Variants in EMILIN2 observed in about 807,000 individuals in gnomAD.
EMILIN2 encodes elastin microfibril interfacer 2, also known as EMILIN-2.
A neutral mutation model predicts 87.1 loss-of-function variants in EMILIN2; 71 were observed. The ratio of observed to expected loss-of-function variants is 0.82; its 90% CI spans 0.67 to 0.99. The LOEUF (loss-of-function observed/expected upper bound fraction) is 0.99. Ranked by LOEUF, EMILIN2 falls within the 50% of genes least tolerant of loss-of-function variation. The pLI is 0.00. For synonymous variants in EMILIN2, 581 were observed against 563.4 expected, an observed-to-expected ratio of 1.03 and a Z score of -0.44; for missense variants, 1,407 against 1,371.8, an observed-to-expected ratio of 1.03 and a Z score of -0.40.
At position 2,847,398 on chromosome 18, in the gene EMILIN2, G is replaced by A; in HGVS notation, c.134+76G>A. The A allele has an allele frequency of 1.6e-6, 2 of 1,235,040 alleles. No homozygotes were observed. Among genetic ancestry groups the A allele is most frequent in the Non-Finnish European group, 2.0e-6 (2 of 981,920 alleles). 76.5% of individuals were successfully genotyped at this position (1,235,040 alleles called of 1,614,324 possible). A position where few individuals can be genotyped will look rare whatever the true frequency, so the allele number is the denominator to read the frequency against. On this transcript the variant is annotated intron_variant, in intron 1 of 7. Transcript: ENST00000254528. The surrounding 1 kb of genome is among the most constrained non-coding windows in gnomAD (Gnocchi z 4.5). Reference sequence around the variant, plus strand: ...CCCAGTTGAGCCCCAGAGCTGCCCTGCCAAAGACGACGAGCGGCAGCCGGG... The same window carrying A: ...CCCAGTTGAGCCCCAGAGCTGCCCTACCAAAGACGACGAGCGGCAGCCGGG...
chr18:2,862,172 T>C (rs1390371946), intron 2 of EMILIN2, among the ~76,000 whole-genome samples: 1 of 152,204 alleles, frequency 6.6e-6, no homozygotes, highest in African/African-American at 2.4e-5. Context: ...AATCATGTCA[T>C]CTGCAAACAG....
In EMILIN2 at chr18:2,899,573, C is replaced by T. The variant is rs556428254; in HGVS notation, c.2359+7087C>T. On this transcript the variant is annotated intron_variant, in intron 4 of 7. Transcript: ENST00000254528. ...AGGCTGGAGTGCAGTGGCACAATCT[C>T]GGCTCACTGCAACCTCTGCCTCCTG... Among the ~76,000 whole-genome samples the T allele has an allele frequency of 1.2e-3, 185 of 151,896 alleles. 1 individual carries two copies. Among genetic ancestry groups the T allele is most frequent in the Non-Finnish European group, 2.1e-3 (141 of 67,954 alleles).
intron 2 of EMILIN2, among the ~76,000 whole-genome samples, chr18:2,861,052 T>C (rs1312332535): frequency 6.6e-6 from 1 of 152,248 alleles, no homozygotes; most frequent in East Asian, 1.9e-4. Flanking sequence ...GAAGGGTCTG[T>C]TCATATCCTT....
intron 4 of EMILIN2, among the ~76,000 whole-genome samples, chr18:2,896,528 C>T (rs1021035920): frequency 2.0e-5 from 3 of 152,180 alleles, no homozygotes. Context: ...GGCTAGAGTA[C>T]AGTGGTGCAA....
At position 2,891,022 on chromosome 18, in the gene EMILIN2, G is replaced by A. The variant is rs369108065; in HGVS notation, c.895G>A (p.Glu299Lys). 212 of 1,614,106 alleles carry A rather than the reference G, an allele frequency of 1.3e-4. No individual in the cohort carries two copies. Among genetic ancestry groups the A allele is most frequent in the Non-Finnish European group, 1.6e-4 (193 of 1,180,060 alleles). Residue 299 changes from glutamate (E) to lysine (K), a missense_variant, in exon 4 of 8, where the codon GAA becomes AAA. Physicochemically the swap from Glu to Lys is moderately conservative, Grantham distance 56. Coordinates refer to ENST00000254528, the MANE Select transcript of EMILIN2 (RefSeq NM_032048.3). The surrounding 1 kb of genome is among the most constrained non-coding windows in gnomAD (Gnocchi z 4.6). Reference protein sequence around the residue: ...GYEGQLRQLQEAAQGPTVTMT... With the variant: ...GYEGQLRQLQKAAQGPTVTMT... ...CGAAGGGCAGCTCAGACAGCTCCAG[G>A]AAGCAGCTCAGGGCCCGACGGTGAC... is the stretch of plus-strand genomic sequence containing the variant.
intron 4 of EMILIN2, among the ~76,000 whole-genome samples, chr18:2,897,895 T>G (rs1233662824): frequency 6.6e-6 from 1 of 151,720 alleles, no homozygotes; most frequent in Non-Finnish European, 1.5e-5. Flanking sequence ...GAGATCTCCC[T>G]TTTCAGCATT....
At chr18:2,910,138 C>G (rs1359809644) in intron 7 of EMILIN2, among the ~76,000 whole-genome samples, 6 of 151,808 alleles carry the variant, frequency 4.0e-5, no homozygotes, top group Non-Finnish European at 5.9e-5. Flanking sequence ...GCCGGCACAG[C>G]CCGCCATGCC....
At chr18:2,908,750 C>G (rs2076926709) in intron 5 of EMILIN2, among the ~76,000 whole-genome samples, 193 bp from the exon 6 acceptor site, 1 of 152,166 alleles carries the variant, frequency 6.6e-6, no homozygotes, top group Non-Finnish European at 1.5e-5. Flanking sequence ...AGTGAGGAAG[C>G]AGGGACGGGC....
chr18:2,905,661 C>T (rs1430284147), intron 4 of EMILIN2, among the ~76,000 whole-genome samples: 16 of 151,932 alleles, frequency 1.1e-4, no homozygotes, highest in African/African-American at 3.6e-4. Context: ...TGGAGTGCAG[C>T]GGGCGATCTC....
chr18:2,861,261 G>C (rs1468561879), intron 2 of EMILIN2, among the ~76,000 whole-genome samples: 1 of 152,090 alleles, frequency 6.6e-6, no homozygotes, highest in East Asian at 1.9e-4. Context: ...GTCAATTTTG[G>C]CTTTTGTTGC....
chr18:2,900,363 AT>A (rs930846022), intron 4 of EMILIN2, among the ~76,000 whole-genome samples: 1 of 152,062 alleles, frequency 6.6e-6, no homozygotes, highest in Non-Finnish European at 1.5e-5. Context: ...ACTTTTTAAA[AT>A]TTTTTGTCGA....
chr18:2,909,639 CT>C, intron 6 of EMILIN2, 51 bp from the exon 7 acceptor site: 3 of 1,597,562 alleles, frequency 1.9e-6, no homozygotes, highest in Non-Finnish European at 2.6e-6. Context: ...GGCCCTCCCC[CT>C]GGAGGACAGA....
In EMILIN2 at chr18:2,909,725, G is replaced by C. The variant is rs764401891; in HGVS notation, c.2730G>C (p.Ala910=). The part of the protein sequence containing the change: ...APVPSLVSFS[A]GLTQKPFPSD... ...TGCCTTCTCTGGTGTCTTTTTCTGC[G>C]GGGCTCACCCAGAAGCCTTTCCCCA... Residue 910 remains alanine (A), a synonymous_variant, in exon 7 of 8, where the codon GCG becomes GCC. Transcript: ENST00000254528. The C allele has an allele frequency of 6.2e-7, 1 of 1,613,958 alleles. No individual in the cohort carries two copies. The highest frequency in any genetic ancestry group is 1.7e-5 in the Admixed American group (1 of 59,976).
chr18:2,859,248 G>T (rs1678399119), intron 2 of EMILIN2, among the ~76,000 whole-genome samples: 1 of 151,944 alleles, frequency 6.6e-6, no homozygotes, highest in South Asian at 2.1e-4. Context: ...AAATTTTTTT[G>T]ATTATGGCCA....
At position 2,892,301 on chromosome 18, in the gene EMILIN2, G is replaced by A; in HGVS notation, c.2174G>A (p.Arg725Lys). 1 of 1,614,190 alleles carries A rather than the reference G, an allele frequency of 6.2e-7. No individual in the cohort carries two copies. The highest frequency in any genetic ancestry group is 8.5e-7 in the Non-Finnish European group (1 of 1,180,038). ...KLDSISGNLQ[R>K]IKEGLNKHVS... ...GACTCTATCTCAGGAAATCTTCAGA[G>A]GATCAAGGAGGGGCTCAACAAGCAT... Residue 725 changes from arginine (R) to lysine (K), a missense_variant, in exon 4 of 8, where the codon AGG becomes AAG. Arg to Lys is a conservative substitution (Grantham distance 26, BLOSUM62 2). Transcript: ENST00000254528.
rs527973172 is a variant in EMILIN2 at position 2,889,697 on chromosome 18, T to C, written c.434-864T>C. On this transcript the variant is annotated intron_variant, in intron 3 of 7. Transcript: ENST00000254528. Reference sequence around the variant, plus strand: ...TCTTCTTCTTTTTTTCTTTTCTTTTTTTTTTTTTTTTTTTTTTAAAGATAC... The same window carrying C: ...TCTTCTTCTTTTTTTCTTTTCTTTTCTTTTTTTTTTTTTTTTTAAAGATAC... Among the ~76,000 whole-genome samples the C allele has an allele frequency of 3.4e-4, 49 of 143,560 alleles. No individual in the cohort carries two copies. The South Asian group carries it at 7.0e-3, about 21-fold the overall frequency. The allele number at this position is 143,560 out of a possible 152,430, so 94.2% of individuals were successfully genotyped here.
intron 3 of EMILIN2, among the ~76,000 whole-genome samples, chr18:2,886,979 G>GT (rs1426322901): frequency 7.9e-5 from 12 of 152,220 alleles, no homozygotes; most frequent in Admixed American, 3.9e-4. Flanking sequence ...TGAATTCCCT[G>GT]TTTCCTGTGT....
chr18:2,899,661 CG>C (rs2076879906), intron 4 of EMILIN2, among the ~76,000 whole-genome samples: 1 of 152,058 alleles, frequency 6.6e-6, no homozygotes, highest in Non-Finnish European at 1.5e-5. Flanking sequence ...CCCACCACCA[CG>C]ACCCACTAAT....
rs932059016 is a variant in EMILIN2 at position 2,883,607 on chromosome 18, C to T, written c.258-1357C>T. On this transcript the variant is annotated intron_variant, in intron 2 of 7. Coordinates refer to ENST00000254528, the MANE Select transcript of EMILIN2 (RefSeq NM_032048.3). ...GCCGCTGCGGGGGCTGAACTCCTGG[C>T]TCCTTCCCTGGTGAGCCCGGGACTG... 2.0e-5 allele frequency among the ~76,000 whole-genome samples: 3 copies of T among 152,220 alleles called. No homozygotes were observed. In the South Asian group the frequency reaches 6.2e-4, roughly 31 times the overall value.
Sources: gnomAD v4.1 joint callset for allele counts (sites outside exome capture counted in the v4.1 genomes callset) on GRCh38, gnomAD v4.1.1 for gene constraint, Gnocchi (gnomAD v3.1) non-coding constraint, MANE v1.5 for transcripts, NCBI Gene and HGNC (gene_info 2026-07-23, HGNC 2026-07-21) for gene names.